CUL1: variants seen among roughly 807,000 people sequenced by gnomAD.
CUL1 encodes cullin 1.
In CUL1, 24 loss-of-function variants were observed where a neutral mutation model predicts 118.0. The observed-to-expected ratio is 0.20, with a 90% CI of 0.15 to 0.29. CUL1 has a LOEUF of 0.29. Among genes scored for constraint, CUL1 ranks in the 10% least tolerant of loss-of-function variants. The pLI, the probability that CUL1 is intolerant of heterozygous loss-of-function variation, is 1.00. For missense variants in CUL1, 361 were observed against 933.8 expected, an observed-to-expected ratio of 0.39 and a Z score of 7.99; for synonymous variants, 332 against 340.4, an observed-to-expected ratio of 0.98 and a Z score of 0.27.
At chr7:148,709,143 A>C (rs1797973645) in intron 1 of CUL1, among the ~76,000 whole-genome samples, 1 of 152,248 alleles carries the variant, frequency 6.6e-6, no homozygotes, top group Non-Finnish European at 1.5e-5. Context: ...TCTTGGCGGC[A>C]GTGAATGAAA....
At chr7:148,795,466 T>TAGAAGTACA (rs1801155690) in intron 17 of CUL1, among the ~76,000 whole-genome samples, 2 of 151,920 alleles carry the variant, frequency 1.3e-5, no homozygotes, top group African/African-American at 4.8e-5. Flanking sequence ...TGCTAATGTA[T>TAGAAGTACA]AGAAGTACAA....
In CUL1 at chr7:148,759,545, A is replaced by T. The variant is rs1157702096; in HGVS notation, c.535-3A>T. The T allele has an allele frequency of 6.3e-7, 1 of 1,587,640 alleles. No individual in the cohort carries two copies. The highest frequency in any genetic ancestry group is 1.7e-5 in the Admixed American group (1 of 58,104). ...GTAATATTTTTCTACATCCTTTCTAAAGGTAACAAATGCTGTTTTAAAGCT... is the reference window on the plus strand; with the variant it reads ...GTAATATTTTTCTACATCCTTTCTATAGGTAACAAATGCTGTTTTAAAGCT... On this transcript the variant is annotated splice_polypyrimidine_tract_variant and splice_region_variant and intron_variant, in intron 5 of 21. Coordinates refer to ENST00000325222, the MANE Select transcript of CUL1 (RefSeq NM_003592.3).
intron 17 of CUL1, among the ~76,000 whole-genome samples, chr7:148,794,610 G>T (rs1801123051): frequency 6.6e-6 from 1 of 152,196 alleles, no homozygotes; most frequent in South Asian, 2.1e-4. Context: ...AAGTGCAGTT[G>T]AGATTTTGAT....
chr7:148,767,828 C>A, intron 9 of CUL1, 79 bp downstream of exon 9: 1 of 1,381,620 alleles, frequency 7.2e-7, no homozygotes, highest in Non-Finnish European at 1.0e-6. Flanking sequence ...TGCGTCTCTA[C>A]TTCCAAATCT....
intron 9 of CUL1, among the ~76,000 whole-genome samples, chr7:148,780,762 G>C (rs1173153091): frequency 6.6e-6 from 1 of 152,208 alleles, no homozygotes. Context: ...AAAAGCTCTC[G>C]TGAATACACA....
chr7:148,718,731 T>C (rs1309021323), intron 1 of CUL1, among the ~76,000 whole-genome samples: 1 of 152,134 alleles, frequency 6.6e-6, no homozygotes, highest in African/African-American at 2.4e-5. Context: ...TTTTTTGTTT[T>C]TGGGGGGTAG....
intron 9 of CUL1, among the ~76,000 whole-genome samples, chr7:148,771,544 T>G (rs1800211852): frequency 6.6e-6 from 1 of 152,168 alleles, no homozygotes; most frequent in South Asian, 2.1e-4. Context: ...GGGAGGGGAC[T>G]GTCCGTCAGG....
At chr7:148,722,797 G>T (rs537699451) in intron 1 of CUL1, among the ~76,000 whole-genome samples, 1 of 152,350 alleles carries the variant, frequency 6.6e-6, no homozygotes, top group South Asian at 2.1e-4. Context: ...GTGGGGCCCT[G>T]CTGAGCCTTC....
chr7:148,726,483 G>A (rs564807350), intron 1 of CUL1, among the ~76,000 whole-genome samples: 3 of 152,046 alleles, frequency 2.0e-5, no homozygotes, highest in East Asian at 1.9e-4. Flanking sequence ...TAAAGCTATC[G>A]GCTCTTTTAA....
intron 1 of CUL1, among the ~76,000 whole-genome samples, chr7:148,717,274 C>T (rs1264699782): frequency 1.3e-5 from 2 of 152,068 alleles, no homozygotes; most frequent in Non-Finnish European, 2.9e-5. Flanking sequence ...CCAGGCTGGT[C>T]GCGAACTCCT....
At chr7:148,712,266 G>T (rs1230695190) in intron 1 of CUL1, among the ~76,000 whole-genome samples, 1 of 152,192 alleles carries the variant, frequency 6.6e-6, no homozygotes, top group Non-Finnish European at 1.5e-5. Flanking sequence ...TGTGGAGCTG[G>T]TGTTTTAAAG....
chr7:148,774,646 A>AGT (rs1295552657), intron 9 of CUL1, among the ~76,000 whole-genome samples: 1 of 152,216 alleles, frequency 6.6e-6, no homozygotes, highest in Non-Finnish European at 1.5e-5. Flanking sequence ...AGAAGTAGCA[A>AGT]CAAAAAAGCA....
chr7:148,743,784 C>T lies in CUL1; in HGVS notation c.141-10192C>T, dbSNP rs563246298. On this transcript the variant is annotated intron_variant, in intron 2 of 21. Transcript: ENST00000325222. ...CTCTACTAAAAATACAAAAATTAGC[C>T]GGTCATGGTGGTGGGCGCCTGTAGT... Among the ~76,000 whole-genome samples, 9 of 152,072 alleles carry T rather than the reference C, an allele frequency of 5.9e-5. 1 individual carries two copies. The highest frequency in any genetic ancestry group is 1.9e-4 in the African/African-American group (8 of 41,492).
At chr7:148,786,773 C>G (rs1450159402) in intron 12 of CUL1, among the ~76,000 whole-genome samples, 174 bp downstream of exon 12, 9 of 152,218 alleles carry the variant, frequency 5.9e-5, no homozygotes, top group Admixed American at 5.9e-4. Context: ...ATACTTTTCT[C>G]ATTAATACTC....
intron 4 of CUL1, among the ~76,000 whole-genome samples, chr7:148,757,453 G>GA (rs1251669576): frequency 6.6e-6 from 1 of 152,170 alleles, no homozygotes; most frequent in African/African-American, 2.4e-5. Flanking sequence ...TTTTCGCACT[G>GA]AAAGTCCTGA....
intron 1 of CUL1, among the ~76,000 whole-genome samples, chr7:148,701,959 G>A (rs1797731376): frequency 6.6e-6 from 1 of 152,100 alleles, no homozygotes; most frequent in Non-Finnish European, 1.5e-5. Flanking sequence ...TTGTCTTTTA[G>A]GTATGTCTGG....
chr7:148,774,638 A>ACCTG (rs1800337206), intron 9 of CUL1, among the ~76,000 whole-genome samples: 1 of 152,230 alleles, frequency 6.6e-6, no homozygotes, highest in Admixed American at 6.5e-5. Flanking sequence ...TTCAGGGCAG[A>ACCTG]AGTAGCAACA....
At chr7:148,776,306 G>GTTTTTT (rs1563166099) in intron 9 of CUL1, among the ~76,000 whole-genome samples, 45 of 33,936 alleles carry the variant, frequency 1.3e-3, no homozygotes, top group Middle Eastern at 0.021. Context: ...ACATAACCAG[G>GTTTTTT]CTTTTTTTTT....
chr7:148,774,427 T>C (rs935021857), intron 9 of CUL1, among the ~76,000 whole-genome samples: 12 of 152,174 alleles, frequency 7.9e-5, no homozygotes, highest in African/African-American at 2.9e-4. Context: ...TATAGCACAA[T>C]GCCAAAATAA....
Sources: allele counts gnomAD v4.1 joint callset (sites outside exome capture counted in the v4.1 genomes callset), GRCh38; gene constraint gnomAD v4.1.1; transcripts MANE v1.5; gene names NCBI Gene and HGNC (gene_info 2026-07-23, HGNC 2026-07-21).